STX19: variants seen among roughly 807,000 people sequenced by gnomAD.
The protein encoded by STX19 is syntaxin-19.
STX19 carries 26 observed loss-of-function variants against 24.3 expected under a neutral mutation model. That is an observed-to-expected ratio of 1.07 (90% CI 0.78 to 1.48). STX19 has a LOEUF of 1.48. Among genes scored for constraint, STX19 ranks in the 40% most tolerant of loss-of-function variants. STX19 has a pLI of 0.00. For synonymous variants in STX19, 116 were observed against 106.9 expected (o/e 1.09, Z -0.52); for missense variants, 367 against 331.9 (o/e 1.11, Z -0.82).
At chr3:94,028,079 TA>T (rs1357623576) in intron 1 of STX19, among the ~76,000 whole-genome samples, 2 of 152,208 alleles carry the variant, frequency 1.3e-5, no homozygotes, top group Non-Finnish European at 2.9e-5. Flanking sequence ...TCTGACTTTC[TA>T]GTATTTTTTA....
intron 1 of STX19, among the ~76,000 whole-genome samples, chr3:94,024,948 T>A (rs1385775011): frequency 2.6e-5 from 4 of 152,156 alleles, no homozygotes; most frequent in Admixed American, 1.3e-4. Flanking sequence ...CATCATAGTT[T>A]AAAAATTTTT....
At chr3:94,024,867 C>T (rs2076523422) in intron 1 of STX19, among the ~76,000 whole-genome samples, 1 of 152,114 alleles carries the variant, frequency 6.6e-6, no homozygotes, top group Non-Finnish European at 1.5e-5. Flanking sequence ...GGATTATAGG[C>T]ATGAGCTAGT....
chr3:94,023,085 T>G, intron 1 of STX19, among the ~76,000 whole-genome samples: 1 of 152,088 alleles, frequency 6.6e-6, no homozygotes. Context: ...TTCCTCACCT[T>G]TCTTGGTTTA....
chr3:94,016,983 A>G (rs1222261465), intron 1 of STX19, among the ~76,000 whole-genome samples: 1 of 152,178 alleles, frequency 6.6e-6, no homozygotes, highest in Non-Finnish European at 1.5e-5. Context: ...AATAGTCACT[A>G]TGCTTTTATA....
intron 1 of STX19, 149 bp downstream of exon 1, chr3:94,028,218 A>G (rs2076598172): frequency 6.6e-6 from 1 of 152,198 alleles, no homozygotes; most frequent in Non-Finnish European, 1.5e-5. Flanking sequence ...ATATATGTGA[A>G]CAAATCAGCT....
intron 1 of STX19, among the ~76,000 whole-genome samples, chr3:94,017,579 T>C (rs2076359053): frequency 6.6e-6 from 1 of 152,240 alleles, no homozygotes; most frequent in Non-Finnish European, 1.5e-5. Flanking sequence ...TATATGTATA[T>C]AAGTTTTAAA....
At chr3:94,022,415 C>T (rs755918057) in intron 1 of STX19, among the ~76,000 whole-genome samples, 33 of 152,058 alleles carry the variant, frequency 2.2e-4, no homozygotes, top group Non-Finnish European at 2.1e-4. Context: ...TGTGAGCCAC[C>T]GCACCCGGCT....
At chr3:94,018,104 T>G (rs569182414) in intron 1 of STX19, among the ~76,000 whole-genome samples, 1 of 152,292 alleles carries the variant, frequency 6.6e-6, no homozygotes, top group Admixed American at 6.5e-5. Flanking sequence ...CCCTATGTTG[T>G]CCAGGCCGGT....
Position 94,020,724 on chromosome 3 carries a change from G to A in STX19, c.-13-5442C>T, listed in dbSNP as rs146674428. ...TATATTGCTGAGCATTTTAAGTACC[G>A]GTGGGAAACATTTAAGAGCAAGTTT... On this transcript the variant is annotated intron_variant, in intron 1 of 1. Coordinates refer to ENST00000315099, the MANE Select transcript of STX19 (RefSeq NM_001001850.3). 1.1e-3 allele frequency among the ~76,000 whole-genome samples: 174 copies of A among 152,186 alleles called. 1 individual carries two copies. Among genetic ancestry groups the A allele is most frequent in the African/African-American group, 3.8e-3 (159 of 41,516 alleles).
At chr3:94,024,655 G>A (rs546581268) in intron 1 of STX19, among the ~76,000 whole-genome samples, 134 of 152,074 alleles carry the variant, frequency 8.8e-4, no homozygotes, top group African/African-American at 2.7e-3. Context: ...GCTCAATTGC[G>A]GCTCACTGCA....
intron 1 of STX19, among the ~76,000 whole-genome samples, chr3:94,018,207 A>G (rs1205317756): frequency 7.4e-6 from 1 of 135,344 alleles, no homozygotes; most frequent in Non-Finnish European, 1.5e-5. Flanking sequence ...CCTGATTTAT[A>G]TTTTTAAAAG....
chr3:94,019,172 C>G (rs1334327835), intron 1 of STX19, among the ~76,000 whole-genome samples: 1 of 152,060 alleles, frequency 6.6e-6, no homozygotes, highest in Non-Finnish European at 1.5e-5. Flanking sequence ...CTTACCATCT[C>G]CCTGGTTCAA....
At chr3:94,021,201 A>AT (rs887213568) in intron 1 of STX19, among the ~76,000 whole-genome samples, 13 of 141,654 alleles carry the variant, frequency 9.2e-5, no homozygotes, top group East Asian at 2.0e-4. Flanking sequence ...TATATATATA[A>AT]TTTTTTTTTT....
chr3:94,015,007 A>T lies in STX19; in HGVS notation c.263T>A (p.Leu88His). The change falls in exon 2 of 2, where the codon CTT (leucine) becomes CAT (histidine). Residue 88 changes from leucine to histidine, a missense_variant. Physicochemically the swap from Leu to His is moderately conservative, Grantham distance 99 (BLOSUM62 -3). Transcript: ENST00000315099. ...LVASMRRFSL[L>H]KRESTITKEI... Reference sequence around the variant, plus strand: ...CTTTGTAATGGTAGACTCTCTCTTAAGTAGACTAAACCTTCTCATTGAAGC... The same window carrying T: ...CTTTGTAATGGTAGACTCTCTCTTATGTAGACTAAACCTTCTCATTGAAGC... 1 of 1,614,042 alleles carries T rather than the reference A, an allele frequency of 6.2e-7. No homozygotes were observed. Among genetic ancestry groups the T allele is most frequent in the Non-Finnish European group, 8.5e-7 (1 of 1,179,962 alleles).
At position 94,014,744 on chromosome 3, in the gene STX19, CT is replaced by C. The variant is rs762108250; in HGVS notation, c.525del (p.Glu176ArgfsTer7). 9.3e-6 allele frequency: 15 copies of C among 1,613,056 alleles called. No individual in the cohort carries two copies. The Admixed American group carries it at 2.5e-4, about 27-fold the overall frequency. ...FILRQLEVAG[K>X]EMSEEDVNDM... ...TCATTTACATCTTCTTCAGACATCTCTTTTCCAGCAACTTCAAGCTGACGTA... is the reference window on the plus strand; with the variant it reads ...TCATTTACATCTTCTTCAGACATCTCTTTCCAGCAACTTCAAGCTGACGTA... On this transcript the variant is annotated frameshift_variant, in exon 2 of 2. Transcript: ENST00000315099. LOFTEE classifies it high-confidence loss of function.
chr3:94,014,986 G>T lies in STX19; in HGVS notation c.284C>A (p.Thr95Lys), dbSNP rs752519096. Residue 95 changes from threonine to lysine, a missense_variant, in exon 2 of 2, where the codon ACA (threonine) becomes AAA (lysine). Coordinates refer to ENST00000315099, the MANE Select transcript of STX19 (RefSeq NM_001001850.3). ...FSLLKRESTITKEIKIQAEYI... is the reference protein window; with the variant it reads ...FSLLKRESTIKKEIKIQAEYI... ...TTCTGCCTGAATTTTTATCTCCTTT[G>T]TAATGGTAGACTCTCTCTTAAGTAG... is the stretch of plus-strand genomic sequence containing the variant. 2 of 1,613,936 alleles carry T rather than the reference G, an allele frequency of 1.2e-6. No individual in the cohort carries two copies. Among genetic ancestry groups the T allele is most frequent in the Admixed American group, 1.7e-5 (1 of 60,014 alleles).
chr3:94,016,908 G>A (rs1467533126), intron 1 of STX19, among the ~76,000 whole-genome samples: 1 of 152,156 alleles, frequency 6.6e-6, no homozygotes, highest in Non-Finnish European at 1.5e-5. Context: ...GCCTCCCAAA[G>A]TGCTGGGATT....
At chr3:94,020,560 AG>A (rs1462186033) in intron 1 of STX19, among the ~76,000 whole-genome samples, 2 of 152,194 alleles carry the variant, frequency 1.3e-5, no homozygotes, top group African/African-American at 4.8e-5. Flanking sequence ...AGAGGCAATT[AG>A]GTCAGTTAAG....
intron 1 of STX19, among the ~76,000 whole-genome samples, chr3:94,018,468 C>CTT (rs966008002): frequency 1.3e-5 from 2 of 151,974 alleles, no homozygotes; most frequent in African/African-American, 2.4e-5. Context: ...TCACTATTTT[C>CTT]TTTTTCCTGG....
Sources: allele counts gnomAD v4.1 joint callset (sites outside exome capture counted in the v4.1 genomes callset), GRCh38; gene constraint gnomAD v4.1.1; transcripts MANE v1.5; gene names NCBI Gene and HGNC (gene_info 2026-07-23, HGNC 2026-07-21).